CHD9: variants seen among roughly 807,000 people sequenced by gnomAD.
CHD9 encodes chromodomain helicase DNA binding protein 9.
In CHD9, 77 loss-of-function variants were observed where a neutral mutation model predicts 316.1. The observed-to-expected ratio is 0.24, with a 90% CI of 0.20 to 0.29. The LOEUF is 0.29. CHD9 is among the 10% of genes least tolerant of loss of function. The pLI is 1.00. For synonymous variants in CHD9, 1,129 were observed against 1,158.3 expected, an observed-to-expected ratio of 0.97 and a Z score of 0.51; for missense variants, 2,763 against 3,438.1, an observed-to-expected ratio of 0.80 and a Z score of 4.91.
At chr16:53,087,857 A>C (rs945378154) in intron 1 of CHD9, among the ~76,000 whole-genome samples, 1 of 152,024 alleles carries the variant, frequency 6.6e-6, no homozygotes, top group African/African-American at 2.4e-5. Context: ...CTGAGGTAGG[A>C]GAATCACTTG....
At chr16:53,298,151 G>C (rs1028044705) in intron 30 of CHD9, 12 of 152,264 alleles carry the variant, frequency 7.9e-5, no homozygotes, top group African/African-American at 2.9e-4. Context: ...TGTGAGTAAG[G>C]ATATTGGAGG....
At chr16:53,060,874 T>A (rs2032796407) in intron 1 of CHD9, among the ~76,000 whole-genome samples, 1 of 151,638 alleles carries the variant, frequency 6.6e-6, no homozygotes, top group South Asian at 2.1e-4. Flanking sequence ...TGAGCCATGA[T>A]TGCACCACCG....
chr16:53,188,893 T>G (rs2044262291), intron 2 of CHD9, among the ~76,000 whole-genome samples: 1 of 151,936 alleles, frequency 6.6e-6, no homozygotes, highest in Non-Finnish European at 1.5e-5. Context: ...CATTGTATCT[T>G]TTTTTTAGAG....
chr16:53,282,634 ATGTT>A (rs2053517759), intron 24 of CHD9, among the ~76,000 whole-genome samples: 1 of 152,094 alleles, frequency 6.6e-6, no homozygotes, highest in African/African-American at 2.4e-5. Flanking sequence ...AGAAGCATCT[ATGTT>A]TGTTGTCTTC....
chr16:53,281,545 T>G (rs181109526), intron 24 of CHD9, among the ~76,000 whole-genome samples: 193 of 152,304 alleles, frequency 1.3e-3, no homozygotes, highest in Non-Finnish European at 1.3e-3. Flanking sequence ...CAGAGTGGTA[T>G]TTCTAAAGCA....
At chr16:53,283,260 T>C (rs1479142747) in intron 24 of CHD9, among the ~76,000 whole-genome samples, 1 of 152,214 alleles carries the variant, frequency 6.6e-6, no homozygotes, top group Non-Finnish European at 1.5e-5. Context: ...TGCATGACTA[T>C]CTTAATTTAT....
chr16:53,172,968 C>T (rs1567420569), intron 2 of CHD9, among the ~76,000 whole-genome samples: 1 of 151,910 alleles, frequency 6.6e-6, no homozygotes, highest in East Asian at 1.9e-4. Flanking sequence ...TTCTTAACAG[C>T]ATGTTTTGAA....
rs758869787 is a variant in CHD9 at position 53,324,893 on chromosome 16, T to C, written c.8692T>C (p.Ter2898ArgextTer9). The C allele has an allele frequency of 1.3e-6, 2 of 1,579,120 alleles. No individual in the cohort carries two copies. The highest frequency in any genetic ancestry group is 2.7e-5 in the African/African-American group (2 of 73,148). Residue 2898 changes from the stop codon to arginine, a stop_lost, in exon 39 of 39, where the codon TGA becomes CGA. Coordinates refer to ENST00000447540, the MANE Select transcript of CHD9 (RefSeq NM_001308319.2). ...GGATTCAGATTCTAGTAATGAAGACTGATTCCCAGACTCTGCACTTAAAAT... is the reference window on the plus strand; with the variant it reads ...GGATTCAGATTCTAGTAATGAAGACCGATTCCCAGACTCTGCACTTAAAAT... ...SEDSDSSNED[*>R]
chr16:53,073,882 C>CTGT lies in CHD9; in HGVS notation c.-165+18805_-165+18806insTGT, dbSNP rs1316249862. Among the ~76,000 whole-genome samples the CTGT allele has an allele frequency of 3.3e-5, 5 of 152,194 alleles. No individual in the cohort carries two copies. In the East Asian group the frequency reaches 9.7e-4, roughly 29 times the overall value. The stretch of plus-strand genomic sequence containing the variant: ...ACAGACTAATACAGTAAATTGGTAC[C>CTGT]AGTAGAGTGGGGCGCTGCTGAAAAG... On this transcript the variant is annotated intron_variant, in intron 1 of 38. Coordinates refer to ENST00000447540, the MANE Select transcript of CHD9 (RefSeq NM_001308319.2).
chr16:53,239,611 A>G (rs1286645083), intron 12 of CHD9, among the ~76,000 whole-genome samples: 21 of 152,016 alleles, frequency 1.4e-4, no homozygotes, highest in Admixed American at 1.4e-3. Context: ...TCTTTCCCTC[A>G]TTCTGTTGTT....
At chr16:53,260,072 C>T (rs921609068) in intron 19 of CHD9, among the ~76,000 whole-genome samples, 1 of 152,096 alleles carries the variant, frequency 6.6e-6, no homozygotes, top group African/African-American at 2.4e-5. Flanking sequence ...GATGTCTGTT[C>T]CTCATACTCA....
At chr16:53,231,154 G>A (rs2048139533) in intron 8 of CHD9, among the ~76,000 whole-genome samples, 1 of 152,118 alleles carries the variant, frequency 6.6e-6, no homozygotes, top group African/African-American at 2.4e-5. Flanking sequence ...GTAAAGGAAA[G>A]GTATAGAGGC....
At chr16:53,200,793 C>T (rs1008181275) in intron 2 of CHD9, among the ~76,000 whole-genome samples, 1 of 152,172 alleles carries the variant, frequency 6.6e-6, no homozygotes, top group African/African-American at 2.4e-5. Context: ...TTGGCAGACA[C>T]TACTTTAACC....
intron 1 of CHD9, among the ~76,000 whole-genome samples, chr16:53,128,310 G>A (rs1451782122): frequency 6.6e-6 from 1 of 152,146 alleles, no homozygotes; most frequent in African/African-American, 2.4e-5. Flanking sequence ...AGCCTCCCGA[G>A]TAGCTGGGAT....
intron 1 of CHD9, among the ~76,000 whole-genome samples, chr16:53,150,303 G>A (rs1261453964): frequency 1.5e-4 from 22 of 149,754 alleles, no homozygotes; most frequent in African/African-American, 3.0e-4. Flanking sequence ...GTTATGTTGC[G>A]GATTATAATT....
intron 2 of CHD9, among the ~76,000 whole-genome samples, chr16:53,193,317 C>T (rs890556286): frequency 6.6e-6 from 1 of 151,870 alleles, no homozygotes; most frequent in Non-Finnish European, 1.5e-5. Context: ...GGCGTGGTGG[C>T]GGGCCCCTGT....
At chr16:53,172,047 A>T (rs892344634) in intron 2 of CHD9, among the ~76,000 whole-genome samples, 1 of 152,204 alleles carries the variant, frequency 6.6e-6, no homozygotes, top group Non-Finnish European at 1.5e-5. Flanking sequence ...TAAAATGGAC[A>T]TATAATAAAC....
chr16:53,091,933 G>A (rs1454787636), intron 1 of CHD9, among the ~76,000 whole-genome samples: 1 of 152,012 alleles, frequency 6.6e-6, no homozygotes. Context: ...TATCCAAGCT[G>A]CAAGAGCATC....
intron 1 of CHD9, among the ~76,000 whole-genome samples, chr16:53,060,229 G>C (rs1359257683): frequency 6.0e-5 from 9 of 151,020 alleles, no homozygotes; most frequent in Non-Finnish European, 1.2e-4. Flanking sequence ...TAGCTCACAG[G>C]CTATACAAAA....
Sources: allele counts gnomAD v4.1 joint callset (sites outside exome capture counted in the v4.1 genomes callset), GRCh38; gene constraint gnomAD v4.1.1; transcripts MANE v1.5; gene names NCBI Gene and HGNC (gene_info 2026-07-23, HGNC 2026-07-21).